The following AGFG1 variants were observed in gnomAD, a reference collection of about 807,000 sequenced individuals.
The protein encoded by AGFG1 is ArfGAP with FG repeats 1.
AGFG1 carries 10 observed loss-of-function variants against 60.6 expected under a neutral mutation model. The observed-to-expected ratio is 0.16, with a 90% CI of 0.10 to 0.28. The LOEUF is 0.28. AGFG1 is among the 10% of genes least tolerant of loss of function. The pLI is 1.00. For missense variants in AGFG1, 537 were observed against 676.5 expected (o/e 0.79, Z 2.29); for synonymous variants, 247 against 242.9 (o/e 1.02, Z -0.16).
At chr2:227,479,293 T>C (rs1313507274) in intron 1 of AGFG1, among the ~76,000 whole-genome samples, 2 of 152,216 alleles carry the variant, frequency 1.3e-5, no homozygotes, top group African/African-American at 4.8e-5. Flanking sequence ...ATGTTAAGCC[T>C]TTTTCTGTTC....
intron 2 of AGFG1, among the ~76,000 whole-genome samples, chr2:227,506,558 TAAA>T (rs5839223): frequency 2.8e-5 from 3 of 106,300 alleles, no homozygotes; most frequent in East Asian, 2.9e-4. Flanking sequence ...TGATGTTCCT[TAAA>T]AAAAAAAAAA....
chr2:227,533,608 TC>T lies in AGFG1; in HGVS notation c.876del (p.Ser293ValfsTer41), dbSNP rs759499557. On this transcript the variant is annotated frameshift_variant, in exon 7 of 13. Coordinates refer to ENST00000310078, the MANE Select transcript of AGFG1 (RefSeq NM_004504.5). LOFTEE classifies it high-confidence loss of function. ...TCATTTTGATAACTTCCCCAAATCC[TC>T]CAGTGCTGATTTTGGAACCTTCAAT... Reference protein sequence around the residue: ...FAHFDNFPKSSSADFGTFNTS... With the variant: ...FAHFDNFPKSXSADFGTFNTS... 1 of 1,613,802 alleles carries T rather than the reference TC, an allele frequency of 6.2e-7. No individual in the cohort carries two copies. Among genetic ancestry groups the T allele is most frequent in the Non-Finnish European group, 8.5e-7 (1 of 1,179,792 alleles).
rs1369573628 is a variant in AGFG1 at position 227,472,293 on chromosome 2, T to C, written c.-129T>C. ...GTACAGCCAAGCCGCTGCGGCCGGG[T>C]CCGGCGCGGGCGGCGCGCGCAGACG... On this transcript the variant is annotated 5_prime_UTR_variant, in exon 1 of 13. Transcript: ENST00000310078. The C allele has an allele frequency of 2.0e-6, 1 of 498,606 alleles. No homozygotes were observed. Among genetic ancestry groups the C allele is most frequent in the Non-Finnish European group, 2.6e-6 (1 of 386,982 alleles). The allele number at this position is 498,606 out of a possible 1,614,324, so 30.9% of individuals were successfully genotyped here. A position where few individuals can be genotyped will look rare whatever the true frequency, so the allele number is the denominator to read the frequency against.
Position 227,560,364 on chromosome 2 carries a change from AC to A in AGFG1, c.*5871del, listed in dbSNP as rs925576208. ...TAGACATTATTCTATTTTGAGGCTC[AC>A]CAGCTGTGTAGGTATGATCTTGTGC... On this transcript the variant is annotated 3_prime_UTR_variant, in exon 13 of 13. Coordinates refer to ENST00000310078, the MANE Select transcript of AGFG1 (RefSeq NM_004504.5). 1.3e-5 allele frequency: 2 copies of A among 152,098 alleles called. No individual in the cohort carries two copies. Among genetic ancestry groups the A allele is most frequent in the African/African-American group, 4.8e-5 (2 of 41,442 alleles). The allele number at this position is 152,098 out of a possible 1,614,324, so 9.4% of individuals were successfully genotyped here.
At chr2:227,501,867 TA>T (rs1691167311) in intron 2 of AGFG1, among the ~76,000 whole-genome samples, 1 of 152,088 alleles carries the variant, frequency 6.6e-6, no homozygotes, top group African/African-American at 2.4e-5. Context: ...CTTCCTTTTT[TA>T]TTTTTTTTGA....
At chr2:227,502,573 G>A (rs957961749) in intron 2 of AGFG1, among the ~76,000 whole-genome samples, 1 of 151,970 alleles carries the variant, frequency 6.6e-6, no homozygotes, top group African/African-American at 2.4e-5. Flanking sequence ...CACCTGCCTC[G>A]GCCTCCCAAA....
chr2:227,503,065 T>C (rs1691207640), intron 2 of AGFG1, among the ~76,000 whole-genome samples: 1 of 151,974 alleles, frequency 6.6e-6, no homozygotes, highest in South Asian at 2.1e-4. Context: ...AGACCCTGTC[T>C]CTACAAAAAA....
chr2:227,478,272 A>G (rs1014089826), intron 1 of AGFG1, among the ~76,000 whole-genome samples: 5 of 151,138 alleles, frequency 3.3e-5, no homozygotes, highest in African/African-American at 1.2e-4. Flanking sequence ...GCACACATAC[A>G]TATACATGTA....
At chr2:227,480,342 G>A (rs1690419986) in intron 1 of AGFG1, among the ~76,000 whole-genome samples, 1 of 152,046 alleles carries the variant, frequency 6.6e-6, no homozygotes, top group African/African-American at 2.4e-5. Context: ...AAAGGAAAGA[G>A]GAATTTTCCT....
chr2:227,539,748 A>C (rs1169994365), intron 10 of AGFG1, among the ~76,000 whole-genome samples: 1 of 111,174 alleles, frequency 9.0e-6, no homozygotes, highest in African/African-American at 4.9e-5. Flanking sequence ...CTAGCTCACA[A>C]AAAAAAAAAA....
At chr2:227,497,341 C>T (rs1225273730) in intron 2 of AGFG1, among the ~76,000 whole-genome samples, 2 of 152,112 alleles carry the variant, frequency 1.3e-5, no homozygotes, top group Admixed American at 1.3e-4. Context: ...AATGTAATGA[C>T]GTTATTGCCA....
intron 1 of AGFG1, among the ~76,000 whole-genome samples, chr2:227,476,840 T>C (rs1037351263): frequency 1.3e-5 from 2 of 152,140 alleles, no homozygotes; most frequent in African/African-American, 4.8e-5. Flanking sequence ...TACTCTGATA[T>C]GGCCACATTC....
At chr2:227,505,209 T>C (rs200691931) in intron 2 of AGFG1, among the ~76,000 whole-genome samples, 9 of 123,782 alleles carry the variant, frequency 7.3e-5, no homozygotes, top group South Asian at 2.9e-4. Context: ...CTCATACTTA[T>C]ATTGTTTTTT....
intron 5 of AGFG1, among the ~76,000 whole-genome samples, chr2:227,525,846 T>C (rs558717371): frequency 6.6e-6 from 1 of 152,342 alleles, no homozygotes; most frequent in Admixed American, 6.5e-5. Context: ...ATTGTGTTTT[T>C]ATAATGTTAG....
chr2:227,535,262 G>A (rs894709272), intron 8 of AGFG1, among the ~76,000 whole-genome samples: 18 of 152,122 alleles, frequency 1.2e-4, no homozygotes, highest in Admixed American at 7.2e-4. Flanking sequence ...ACACTAAACC[G>A]TATTTGAGAG....
chr2:227,491,467 A>T (rs1575069397), intron 1 of AGFG1, 80 bp from the exon 2 acceptor site: 1 of 720,596 alleles, frequency 1.4e-6, no homozygotes, highest in Non-Finnish European at 2.2e-6. Context: ...TGTTGGTTAG[A>T]AATATTTTGA....
At chr2:227,503,421 C>T (rs182879603) in intron 2 of AGFG1, among the ~76,000 whole-genome samples, 4 of 152,180 alleles carry the variant, frequency 2.6e-5, no homozygotes, top group Non-Finnish European at 4.4e-5. Flanking sequence ...TTAAAGATTG[C>T]GTTAGATATT....
chr2:227,506,472 GTCT>G (rs1359378565), intron 2 of AGFG1, among the ~76,000 whole-genome samples: 2 of 141,956 alleles, frequency 1.4e-5, no homozygotes, highest in South Asian at 2.2e-4. Flanking sequence ...TGAACCTCTT[GTCT>G]TCTTGTACTT....
chr2:227,474,650 T>C (rs2106147549), intron 1 of AGFG1, among the ~76,000 whole-genome samples: 1 of 152,352 alleles, frequency 6.6e-6, no homozygotes, highest in East Asian at 1.9e-4. Context: ...AACGTAGAGT[T>C]ACAATATATT....
Sources: allele counts gnomAD v4.1 joint callset (sites outside exome capture counted in the v4.1 genomes callset), GRCh38; gene constraint gnomAD v4.1.1; transcripts MANE v1.5; gene names NCBI Gene and HGNC (gene_info 2026-07-23, HGNC 2026-07-21).